Variants in GLI2 observed in about 807,000 individuals in gnomAD.
GLI2 encodes the protein transcription activator GLI2.
GLI2 carries 22 observed loss-of-function variants against 78.9 expected under a neutral mutation model. The observed-to-expected ratio is 0.28, with a 90% CI of 0.20 to 0.40. The LOEUF is 0.40. Ranked by LOEUF, GLI2 falls within the 10% of genes least tolerant of loss-of-function variation. The pLI, the probability that GLI2 is intolerant of heterozygous loss-of-function variation, is 1.00. For synonymous variants in GLI2, 974 were observed against 963.7 expected, an observed-to-expected ratio of 1.01 and a Z score of -0.20; for missense variants, 2,097 against 2,213.2, an observed-to-expected ratio of 0.95 and a Z score of 1.05.
chr2:120,978,591 G>A lies in GLI2; in HGVS notation c.1467+8G>A. The A allele has an allele frequency of 1.9e-6, 3 of 1,612,548 alleles. No homozygotes were observed. Among genetic ancestry groups the A allele is most frequent in the Non-Finnish European group, 2.5e-6 (3 of 1,179,442 alleles). The stretch of plus-strand genomic sequence containing the variant: ...AAGCCCCACAAGTGCACGGTGAGTG[G>A]CCTTCTCCCCACCCCCGCCGCAGCA... On this transcript the variant is annotated splice_region_variant and intron_variant, in intron 10 of 13. Coordinates refer to ENST00000361492, the MANE Select transcript of GLI2 (RefSeq NM_001374353.1).
At chr2:120,763,551 G>C (rs1237542344) in intron 1 of GLI2, among the ~76,000 whole-genome samples, 1 of 152,230 alleles carries the variant, frequency 6.6e-6, no homozygotes, top group African/African-American at 2.4e-5. Context: ...GGGTGCTCTG[G>C]GGGGCTCACT....
intron 2 of GLI2, among the ~76,000 whole-genome samples, chr2:120,860,960 G>T (rs909520272): frequency 6.6e-6 from 1 of 152,220 alleles, no homozygotes; most frequent in African/African-American, 2.4e-5. Flanking sequence ...CCAGCACACA[G>T]GAGTGTGCAA....
intron 3 of GLI2, among the ~76,000 whole-genome samples, chr2:120,947,574 G>A (rs1214035451): frequency 6.6e-6 from 1 of 152,094 alleles, no homozygotes; most frequent in Non-Finnish European, 1.5e-5. Flanking sequence ...GGTATTGTGT[G>A]CCCTGGGTTT....
chr2:120,896,696 TACACACACAC>T (rs70954513), intron 2 of GLI2, among the ~76,000 whole-genome samples: 1,597 of 128,888 alleles, frequency 0.012, 20 homozygotes, highest in African/African-American at 0.025. Flanking sequence ...CACACACCCA[TACACACACAC>T]ACACACACAC....
At position 120,990,693 on chromosome 2, in the gene GLI2, G is replaced by A; in HGVS notation, c.*18G>A. 6.2e-7 allele frequency: 1 copy of A among 1,605,026 alleles called. No homozygotes were observed. Among genetic ancestry groups the A allele is most frequent in the Non-Finnish European group, 8.5e-7 (1 of 1,175,368 alleles). On this transcript the variant is annotated 3_prime_UTR_variant, in exon 14 of 14. Transcript: ENST00000361492. ...TGACCTAGAGGCCCGAGCGCCTGGTGCTGAGTGCACCCGGAGGGGTCATCG... is the reference window on the plus strand; with the variant it reads ...TGACCTAGAGGCCCGAGCGCCTGGTACTGAGTGCACCCGGAGGGGTCATCG...
At chr2:120,916,073 G>A (rs1056600119) in intron 2 of GLI2, among the ~76,000 whole-genome samples, 2 of 152,176 alleles carry the variant, frequency 1.3e-5, no homozygotes, top group East Asian at 1.9e-4. Flanking sequence ...TCTCCCTCCC[G>A]GGGTGGTCCC....
chr2:120,987,997 G>A (rs1418316957), intron 13 of GLI2, among the ~76,000 whole-genome samples: 1 of 152,230 alleles, frequency 6.6e-6, no homozygotes, highest in East Asian at 1.9e-4. Context: ...AGAGTCTGAG[G>A]AGGGAGGATC....
rs1217496187 is a variant in GLI2, at chr2:120,834,923, T to TGGAGTC, written c.148+37455_148+37456insGGAGTC. 2.9e-4 allele frequency among the ~76,000 whole-genome samples: 44 copies of TGGAGTC among 152,264 alleles called. 2 individuals carry two copies. The East Asian group carries it at 6.8e-3, about 23-fold the overall frequency. ...TTCAGGGGCTCTGCACCCCATGTTC[T>TGGAGTC]CTGGGCTAAACCCACATGGGTCCTC... is the stretch of plus-strand genomic sequence containing the variant. On this transcript the variant is annotated intron_variant, in intron 2 of 13. Transcript: ENST00000361492.
At chr2:120,982,946 G>A in intron 11 of GLI2, 66 bp downstream of exon 11, 1 of 1,516,644 alleles carries the variant, frequency 6.6e-7, no homozygotes, top group Non-Finnish European at 9.1e-7. Flanking sequence ...TGGCTTCCAG[G>A]CATCTGTAGT....
chr2:120,816,887 C>T (rs985962286), intron 2 of GLI2, among the ~76,000 whole-genome samples: 3 of 152,202 alleles, frequency 2.0e-5, no homozygotes, highest in Non-Finnish European at 4.4e-5. Context: ...CACCAAAACA[C>T]GACATTATGG....
At chr2:120,855,625 G>A (rs1373323579) in intron 2 of GLI2, among the ~76,000 whole-genome samples, 5 of 152,238 alleles carry the variant, frequency 3.3e-5, no homozygotes, top group Non-Finnish European at 7.3e-5. Flanking sequence ...CAGGGGAATT[G>A]AGATGATGAA....
intron 2 of GLI2, among the ~76,000 whole-genome samples, chr2:120,864,009 G>T (rs1426226242): frequency 6.6e-6 from 1 of 152,220 alleles, no homozygotes; most frequent in Non-Finnish European, 1.5e-5. Flanking sequence ...GGCGGCTGGA[G>T]AAGTAGACAA....
chr2:120,802,523 A>G (rs1419141577), intron 2 of GLI2, among the ~76,000 whole-genome samples: 1 of 152,196 alleles, frequency 6.6e-6, no homozygotes, highest in African/African-American at 2.4e-5. Context: ...TTTAAAAGCA[A>G]TTTGATTCAG....
rs1553477407 is a variant in GLI2, at chr2:120,983,943, T to TGG, written c.1633-525_1633-524dup. ...TATGTTTTTCTGTAGACGTGGTGTG[T>TGG]GGGGTGTGTGTGTGTGTGTGTGTGT... On this transcript the variant is annotated intron_variant, in intron 11 of 13. Transcript: ENST00000361492. Among the ~76,000 whole-genome samples the TGG allele has an allele frequency of 2.4e-3, 167 of 70,780 alleles. 1 individual carries two copies. Among genetic ancestry groups the TGG allele is most frequent in the African/African-American group, 7.3e-3 (148 of 20,182 alleles). The allele number at this position is 70,780 out of a possible 152,430, so 46.4% of individuals were successfully genotyped here.
rs1277274205 is a variant in GLI2 at position 120,834,921 on chromosome 2, T to TGGGGC, written c.148+37453_148+37454insGGGGC. Among the ~76,000 whole-genome samples, 44 of 152,286 alleles carry TGGGGC rather than the reference T, an allele frequency of 2.9e-4. 2 individuals are homozygous for TGGGGC. In the East Asian group the frequency reaches 6.8e-3, roughly 23 times the overall value. ...ATTTCAGGGGCTCTGCACCCCATGT[T>TGGGGC]CTCTGGGCTAAACCCACATGGGTCC... On this transcript the variant is annotated intron_variant, in intron 2 of 13. Transcript: ENST00000361492.
chr2:120,746,344 A>G (rs1332145575), intron 1 of GLI2, among the ~76,000 whole-genome samples: 1 of 152,188 alleles, frequency 6.6e-6, no homozygotes, highest in African/African-American at 2.4e-5. Context: ...GGGCATCAGT[A>G]AGGCAGCCTT....
chr2:120,985,415 G>A (rs544670646), intron 12 of GLI2, among the ~76,000 whole-genome samples: 2 of 152,314 alleles, frequency 1.3e-5, no homozygotes, highest in East Asian at 1.9e-4. Context: ...TGGGGAGCAG[G>A]GGCGCCAGGC....
chr2:120,809,513 G>C (rs923740751), intron 2 of GLI2, among the ~76,000 whole-genome samples: 3 of 152,054 alleles, frequency 2.0e-5, no homozygotes, highest in Non-Finnish European at 4.4e-5. Flanking sequence ...GCATTTTATG[G>C]TATGTGAATT....
At chr2:120,877,081 T>G (rs1688789095) in intron 2 of GLI2, among the ~76,000 whole-genome samples, 1 of 152,162 alleles carries the variant, frequency 6.6e-6, no homozygotes, top group Non-Finnish European at 1.5e-5. Flanking sequence ...CGGTGATGCA[T>G]TTGCATGGGG....
Sources: gnomAD v4.1 joint callset for allele counts (sites outside exome capture counted in the v4.1 genomes callset) on GRCh38, gnomAD v4.1.1 for gene constraint, MANE v1.5 for transcripts, NCBI Gene and HGNC (gene_info 2026-07-23, HGNC 2026-07-21) for gene names.